Variants in AFDN observed in about 807,000 individuals in gnomAD.
AFDN encodes the protein afadin.
AFDN carries 68 observed loss-of-function variants against 216.6 expected under a neutral mutation model. The ratio of observed to expected loss-of-function variants is 0.31; its 90% confidence interval spans 0.26 to 0.38. The LOEUF (loss-of-function observed/expected upper bound fraction) is 0.38, where lower values mean the gene tolerates loss of function less well. Ranked by LOEUF, AFDN falls within the 10% of genes least tolerant of loss-of-function variation. The pLI is 1.00. For synonymous variants in AFDN, 868 were observed against 853.7 expected (o/e 1.02, Z -0.29); for missense variants, 2,136 against 2,342.0 (o/e 0.91, Z 1.82).
At chr6:167,836,336 C>T (rs1780431563) in intron 1 of AFDN, among the ~76,000 whole-genome samples, 1 of 152,162 alleles carries the variant, frequency 6.6e-6, no homozygotes, top group Non-Finnish European at 1.5e-5. Context: ...CTTCAGTCTC[C>T]GTCTCCCAAA....
At chr6:167,886,827 C>A (rs1366198199) in intron 6 of AFDN, among the ~76,000 whole-genome samples, 1 of 151,946 alleles carries the variant, frequency 6.6e-6, no homozygotes, top group African/African-American at 2.4e-5. Flanking sequence ...ACACTGAGGG[C>A]AGGAACTTGA....
At chr6:167,853,595 A>G (rs1451696994) in intron 1 of AFDN, among the ~76,000 whole-genome samples, 1 of 152,114 alleles carries the variant, frequency 6.6e-6, no homozygotes, top group Non-Finnish European at 1.5e-5. Flanking sequence ...ACTGTGTGAT[A>G]AAGTACATTT....
intron 1 of AFDN, among the ~76,000 whole-genome samples, chr6:167,846,492 A>G (rs901601968): frequency 6.6e-6 from 1 of 152,048 alleles, no homozygotes; most frequent in Non-Finnish European, 1.5e-5. Context: ...TGAACTTTTA[A>G]AAGTTCAAAA....
Position 167,915,499 on chromosome 6 carries a change from G to T in AFDN, c.2565+66G>T, listed in dbSNP as rs1790939062. The T allele has an allele frequency of 2.0e-6, 3 of 1,517,598 alleles. No individual in the cohort carries two copies. The Admixed American group carries it at 6.3e-5, about 32-fold the overall frequency. The allele number at this position is 1,517,598 out of a possible 1,614,324, so 94.0% of individuals were successfully genotyped here. A position where few individuals can be genotyped will look rare whatever the true frequency, so the allele number is the denominator to read the frequency against. The stretch of plus-strand genomic sequence containing the variant: ...TAAAGGCATCTGATCTTTATGATGA[G>T]CAAGAGCTTCAATGCAGCAAAACCT... On this transcript the variant is annotated intron_variant, in intron 19 of 33. Coordinates refer to ENST00000683244, the MANE Select transcript of AFDN (RefSeq NM_001386888.1).
chr6:167,910,963 CA>C lies in AFDN; in HGVS notation c.1770-136del, dbSNP rs1053321156. 41 of 709,400 alleles carry C rather than the reference CA, an allele frequency of 5.8e-5. No homozygotes were observed. In the African/African-American group the frequency reaches 7.0e-4, roughly 12 times the overall value. 43.9% of individuals were successfully genotyped at this position (709,400 alleles called of 1,614,324 possible). A position where few individuals can be genotyped will look rare whatever the true frequency, so the allele number is the denominator to read the frequency against. On this transcript the variant is annotated intron_variant, in intron 13 of 33. Transcript: ENST00000683244. The stretch of plus-strand genomic sequence containing the variant: ...TATTTGATTAGGCTACATCTGAAAA[CA>C]AGGGATATTTTATTATTTTACGTTG...
intron 2 of AFDN, among the ~76,000 whole-genome samples, chr6:167,869,643 A>AGT (rs1784578389): frequency 1.3e-5 from 2 of 152,130 alleles, no homozygotes; most frequent in South Asian, 4.1e-4. Flanking sequence ...TCCATCCTTC[A>AGT]GTGCCGCCTT....
chr6:167,944,301 C>T (rs1795022434), intron 26 of AFDN, among the ~76,000 whole-genome samples: 1 of 152,188 alleles, frequency 6.6e-6, no homozygotes, highest in South Asian at 2.1e-4. Context: ...TTCACCCCCA[C>T]AGGGCTGGTT....
chr6:167,836,574 G>A (rs1780463668), intron 1 of AFDN, among the ~76,000 whole-genome samples: 1 of 152,098 alleles, frequency 6.6e-6, no homozygotes, highest in African/African-American at 2.4e-5. Context: ...TCAGAGTACT[G>A]CATTTATATT....
chr6:167,882,683 A>G (rs1236846193), intron 6 of AFDN, among the ~76,000 whole-genome samples: 2 of 152,088 alleles, frequency 1.3e-5, no homozygotes, highest in African/African-American at 2.4e-5. Context: ...AAGGAAATGG[A>G]GAGACGGAAG....
At chr6:167,901,549 AT>A (rs1788954780) in intron 11 of AFDN, among the ~76,000 whole-genome samples, 1 of 152,226 alleles carries the variant, frequency 6.6e-6, no homozygotes, top group South Asian at 2.1e-4. Context: ...ATTATCAAAA[AT>A]GTCCCACTTT....
intron 1 of AFDN, among the ~76,000 whole-genome samples, chr6:167,860,159 CTTTTT>C (rs370176215): frequency 0.19 from 15,063 of 78,798 alleles, 806 homozygotes; most frequent in Middle Eastern, 0.27. Context: ...TACAGCAATG[CTTTTT>C]TTTTTTTTTT....
At chr6:167,906,100 C>T (rs1302354439) in intron 12 of AFDN, among the ~76,000 whole-genome samples, 1 of 152,044 alleles carries the variant, frequency 6.6e-6, no homozygotes, top group Non-Finnish European at 1.5e-5. Flanking sequence ...GAGACTCCGT[C>T]CCAAGAAAAA....
intron 1 of AFDN, among the ~76,000 whole-genome samples, chr6:167,862,984 G>A (rs1339358227): frequency 1.3e-5 from 2 of 152,204 alleles, no homozygotes; most frequent in Admixed American, 6.5e-5. Flanking sequence ...CCCTGAGCAA[G>A]CACTATAAAG....
At chr6:167,830,257 A>G (rs141031747) in intron 1 of AFDN, among the ~76,000 whole-genome samples, 10 of 152,312 alleles carry the variant, frequency 6.6e-5, no homozygotes, top group Non-Finnish European at 1.3e-4. Flanking sequence ...CTGGTTATCC[A>G]AAGGTCTCCC....
chr6:167,854,921 C>A (rs1782724990), intron 1 of AFDN, among the ~76,000 whole-genome samples: 1 of 151,596 alleles, frequency 6.6e-6, no homozygotes, highest in Admixed American at 6.6e-5. Context: ...ACCAACAAAA[C>A]CATTGTATTT....
chr6:167,908,717 C>A (rs1314200073), intron 13 of AFDN, among the ~76,000 whole-genome samples: 1 of 152,056 alleles, frequency 6.6e-6, no homozygotes, highest in South Asian at 2.1e-4. Context: ...ACCATAAACA[C>A]ATAATTTAAT....
intron 1 of AFDN, among the ~76,000 whole-genome samples, chr6:167,833,078 T>G (rs1327199650): frequency 6.6e-6 from 1 of 152,206 alleles, no homozygotes; most frequent in Non-Finnish European, 1.5e-5. Context: ...TTCCTGAAGT[T>G]TATTAGTGCC....
At chr6:167,932,723 A>G (rs959012975) in intron 23 of AFDN, 2 of 152,180 alleles carry the variant, frequency 1.3e-5, no homozygotes, top group Non-Finnish European at 2.9e-5. Context: ...CCGGAAATGA[A>G]AATGTGGTTC....
intron 1 of AFDN, among the ~76,000 whole-genome samples, chr6:167,830,933 C>CTTTTTTTTTT (rs71681602): frequency 1.3e-5 from 1 of 79,320 alleles, no homozygotes; most frequent in East Asian, 4.5e-4. Flanking sequence ...ATATTTGAAA[C>CTTTTTTTTTT]TTTTTTTTTT....
Sources: gnomAD v4.1 joint callset for allele counts (sites outside exome capture counted in the v4.1 genomes callset) on GRCh38, gnomAD v4.1.1 for gene constraint, MANE v1.5 for transcripts, NCBI Gene and HGNC (gene_info 2026-07-23, HGNC 2026-07-21) for gene names.